The following UBE2E2 variants were observed in gnomAD, a reference collection of about 807,000 sequenced individuals.
UBE2E2 encodes the protein ubiquitin-conjugating enzyme E2 E2.
UBE2E2 carries 6 observed loss-of-function variants against 24.7 expected under a neutral mutation model. That is an observed-to-expected ratio of 0.24 (90% CI 0.13 to 0.48). The LOEUF (loss-of-function observed/expected upper bound fraction) is 0.48, where lower values mean the gene tolerates loss of function less well. Among genes scored for constraint, UBE2E2 ranks in the 20% least tolerant of loss-of-function variants. The pLI, the probability that UBE2E2 is intolerant of heterozygous loss-of-function variation, is 0.99. For synonymous variants in UBE2E2, 104 were observed against 83.6 expected, an observed-to-expected ratio of 1.24 and a Z score of -1.33; for missense variants, 169 against 245.0, an observed-to-expected ratio of 0.69 and a Z score of 2.07.
At chr3:23,483,970 G>A (rs17013344) in intron 3 of UBE2E2, among the ~76,000 whole-genome samples, 4,396 of 152,228 alleles carry the variant, frequency 0.029, 108 homozygotes, top group East Asian at 0.13. Context: ...AGGGAGCAGC[G>A]AACTTAATGA....
chr3:23,466,362 C>T lies in UBE2E2; in HGVS notation c.228-33246C>T, dbSNP rs1698918989. Reference sequence around the variant, plus strand: ...TGATGATCTCAGCACTAGTTGTCTACAGTGCAGCGTCCTGTATGACAGAGT... The same window carrying T: ...TGATGATCTCAGCACTAGTTGTCTATAGTGCAGCGTCCTGTATGACAGAGT... On this transcript the variant is annotated intron_variant, in intron 3 of 5. Coordinates refer to ENST00000396703, the MANE Select transcript of UBE2E2 (RefSeq NM_152653.4). 3.3e-5 allele frequency among the ~76,000 whole-genome samples: 5 copies of T among 152,186 alleles called. No individual in the cohort carries two copies. In the South Asian group the frequency reaches 8.3e-4, roughly 25 times the overall value.
intron 3 of UBE2E2, among the ~76,000 whole-genome samples, chr3:23,447,747 A>G (rs1698467543): frequency 1.3e-5 from 2 of 152,168 alleles, no homozygotes; most frequent in Admixed American, 1.3e-4. Context: ...CAAGAAGAGT[A>G]ATATAATTTT....
chr3:23,525,688 C>G (rs1012582030), intron 4 of UBE2E2, among the ~76,000 whole-genome samples: 27 of 152,202 alleles, frequency 1.8e-4, no homozygotes, highest in African/African-American at 6.0e-4. Flanking sequence ...GGTATTAACC[C>G]TTGCAATGGA....
At chr3:23,410,187 C>T (rs932722153) in intron 3 of UBE2E2, among the ~76,000 whole-genome samples, 2 of 152,082 alleles carry the variant, frequency 1.3e-5, no homozygotes, top group African/African-American at 2.4e-5. Context: ...CTGTTAATCA[C>T]AGAATTTAAA....
At chr3:23,326,942 C>A (rs534671148) in intron 3 of UBE2E2, among the ~76,000 whole-genome samples, 65 of 152,094 alleles carry the variant, frequency 4.3e-4, no homozygotes, top group African/African-American at 1.5e-3. Flanking sequence ...TCTGTCCTTG[C>A]GATAGTTTGC....
intron 3 of UBE2E2, among the ~76,000 whole-genome samples, chr3:23,360,283 C>A (rs114887089): frequency 5.9e-5 from 9 of 152,128 alleles, no homozygotes; most frequent in Non-Finnish European, 1.0e-4. Flanking sequence ...TAGAAAAATT[C>A]GTTTTAAAAA....
rs1012183538 is a variant in UBE2E2 at position 23,268,322 on chromosome 3, A to C, written c.227+51010A>C. The stretch of plus-strand genomic sequence containing the variant: ...CTAGAAAACCCCATTGTCTCAGCCC[A>C]AAATCTCCTTAAGCTGATAAGCAGC... On this transcript the variant is annotated intron_variant, in intron 3 of 5. Transcript: ENST00000396703. Among the ~76,000 whole-genome samples, 13 of 150,858 alleles carry C rather than the reference A, an allele frequency of 8.6e-5. No homozygotes were observed. The East Asian group carries it at 2.5e-3, about 29-fold the overall frequency.
chr3:23,382,890 G>C (rs978619563), intron 3 of UBE2E2, among the ~76,000 whole-genome samples: 2 of 151,898 alleles, frequency 1.3e-5, no homozygotes, highest in African/African-American at 2.4e-5. Context: ...ATTGTGAAAA[G>C]GTTAGTTTTT....
At chr3:23,331,446 C>T (rs1257916975) in intron 3 of UBE2E2, among the ~76,000 whole-genome samples, 1 of 150,984 alleles carries the variant, frequency 6.6e-6, no homozygotes, top group Non-Finnish European at 1.5e-5. Context: ...GTAATAAATA[C>T]TTTGGAGCAA....
At chr3:23,350,615 C>A (rs1695716393) in intron 3 of UBE2E2, among the ~76,000 whole-genome samples, 1 of 152,066 alleles carries the variant, frequency 6.6e-6, no homozygotes, top group African/African-American at 2.4e-5. Context: ...CCGATGTGAT[C>A]AACTGGAAGA....
chr3:23,482,234 G>T (rs1190727603), intron 3 of UBE2E2, among the ~76,000 whole-genome samples: 1 of 152,128 alleles, frequency 6.6e-6, no homozygotes, highest in Non-Finnish European at 1.5e-5. Context: ...GAATTTTATA[G>T]ACTCTTAAGA....
rs398051684 is a variant in UBE2E2, at chr3:23,246,222, A to AT, written c.227+28925dup. ...AGGTGTATGCCACCATGCGTGGCTA[A>AT]TTTTTTTTTTTTTTTCGAGATGGAG... is the stretch of plus-strand genomic sequence containing the variant. On this transcript the variant is annotated intron_variant, in intron 3 of 5. Coordinates refer to ENST00000396703, the MANE Select transcript of UBE2E2 (RefSeq NM_152653.4). 5.7e-4 allele frequency among the ~76,000 whole-genome samples: 58 copies of AT among 102,214 alleles called. 3 individuals carry two copies. The highest frequency in any genetic ancestry group is 1.1e-3 in the African/African-American group (27 of 24,400). 67.1% of individuals were successfully genotyped at this position (102,214 alleles called of 152,430 possible).
intron 2 of UBE2E2, among the ~76,000 whole-genome samples, chr3:23,216,977 A>G (rs770178073): frequency 1.3e-4 from 20 of 152,128 alleles, no homozygotes; most frequent in Non-Finnish European, 2.8e-4. Context: ...TGTGGCAGAA[A>G]TTTCCAGCTT....
At chr3:23,260,304 T>G (rs1367774435) in intron 3 of UBE2E2, among the ~76,000 whole-genome samples, 1 of 152,240 alleles carries the variant, frequency 6.6e-6, no homozygotes, top group Non-Finnish European at 1.5e-5. Flanking sequence ...ATTATTAGCC[T>G]GTGCCAAATT....
At chr3:23,322,059 A>G (rs967998345) in intron 3 of UBE2E2, among the ~76,000 whole-genome samples, 1 of 152,248 alleles carries the variant, frequency 6.6e-6, no homozygotes, top group Non-Finnish European at 1.5e-5. Context: ...TTTTTGTACC[A>G]TAAACAAAAC....
chr3:23,423,844 C>A (rs988065265), intron 3 of UBE2E2, among the ~76,000 whole-genome samples: 2 of 152,176 alleles, frequency 1.3e-5, no homozygotes, highest in Non-Finnish European at 2.9e-5. Context: ...CTGGTGCTAC[C>A]TATCAGAAGA....
At chr3:23,253,228 G>A (rs573035463) in intron 3 of UBE2E2, among the ~76,000 whole-genome samples, 2 of 152,280 alleles carry the variant, frequency 1.3e-5, no homozygotes, top group South Asian at 2.1e-4. Flanking sequence ...TAAAAAGTAT[G>A]TCTTTGGTGA....
intron 3 of UBE2E2, among the ~76,000 whole-genome samples, chr3:23,260,933 G>C (rs763368925): frequency 3.3e-5 from 5 of 151,946 alleles, no homozygotes; most frequent in Non-Finnish European, 7.4e-5. Flanking sequence ...GCAAAACGCT[G>C]TCTCTAAAAA....
intron 3 of UBE2E2, among the ~76,000 whole-genome samples, chr3:23,350,117 G>T (rs1695694417): frequency 6.6e-6 from 1 of 152,210 alleles, no homozygotes; most frequent in Non-Finnish European, 1.5e-5. Context: ...CTGATACCCA[G>T]GCAAACAGGG....
Sources: gnomAD v4.1 joint callset for allele counts (sites outside exome capture counted in the v4.1 genomes callset) on GRCh38, gnomAD v4.1.1 for gene constraint, MANE v1.5 for transcripts, NCBI Gene and HGNC (gene_info 2026-07-23, HGNC 2026-07-21) for gene names.